GLB1: variants seen among roughly 807,000 people sequenced by gnomAD.
GLB1 encodes beta-galactosidase.
GLB1 carries 56 observed loss-of-function variants against 74.0 expected under a neutral mutation model. The ratio of observed to expected loss-of-function variants is 0.76; its 90% CI spans 0.61 to 0.94. The LOEUF (loss-of-function observed/expected upper bound fraction) is 0.94. GLB1 is among the 40% of genes least tolerant of loss of function. The pLI is 0.00. For synonymous variants in GLB1, 323 were observed against 323.6 expected (o/e 1.00, Z 0.02); for missense variants, 787 against 845.5 (o/e 0.93, Z 0.86).
the GLB1 span, among the ~76,000 whole-genome samples, chr3:32,985,839 G>T: frequency 6.6e-6 from 1 of 152,006 alleles, no homozygotes; most frequent in Non-Finnish European, 1.5e-5. Flanking sequence ...CCAAGTAGCT[G>T]GGCTGGGACT....
chr3:33,002,202 T>C (rs1696601294), intron 15 of GLB1, among the ~76,000 whole-genome samples: 1 of 152,226 alleles, frequency 6.6e-6, no homozygotes, highest in Non-Finnish European at 1.5e-5. Context: ...AAGGCAATAA[T>C]AATAGTTTCA....
intron 12 of GLB1, chr3:33,021,182 C>T (rs1324399144): frequency 3.6e-6 from 1 of 280,684 alleles, no homozygotes; most frequent in Non-Finnish European, 6.9e-6. Flanking sequence ...AAAACACAGT[C>T]CTTATGCCAT....
chr3:33,027,768 T>G (rs1041135018), intron 10 of GLB1, among the ~76,000 whole-genome samples: 1 of 151,722 alleles, frequency 6.6e-6, no homozygotes, highest in Non-Finnish European at 1.5e-5. Context: ...GGTGACAGAG[T>G]GAGATTCTAT....
chr3:33,066,881 G>C (rs1699704464), intron 4 of GLB1, among the ~76,000 whole-genome samples: 1 of 151,402 alleles, frequency 6.6e-6, no homozygotes, highest in African/African-American at 2.4e-5. Context: ...ACTGGAGTAA[G>C]ACAAAGAAAA....
At chr3:32,961,455 C>T in the GLB1 span, among the ~76,000 whole-genome samples, 2 of 152,138 alleles carry the variant, frequency 1.3e-5, no homozygotes, top group Admixed American at 6.5e-5. Context: ...ACACTTGGGT[C>T]AGAAGTTCTC....
intron 15 of GLB1, among the ~76,000 whole-genome samples, chr3:33,009,133 A>ATAAG (rs1696910615): frequency 1.3e-5 from 2 of 150,500 alleles, no homozygotes; most frequent in South Asian, 4.2e-4. Flanking sequence ...AAATAAATAA[A>ATAAG]TAAATAAATA....
chr3:33,027,513 C>G (rs1004326181), intron 10 of GLB1, among the ~76,000 whole-genome samples: 7 of 152,200 alleles, frequency 4.6e-5, no homozygotes, highest in African/African-American at 1.7e-4. Context: ...AAGTGACACC[C>G]GGCTCACGCC....
Position 33,072,688 on chromosome 3 carries a change from A to G in GLB1, c.101T>C (p.Ile34Thr). 1 of 1,614,164 alleles carries G rather than the reference A, an allele frequency of 6.2e-7. No individual in the cohort carries two copies. Among genetic ancestry groups the G allele is most frequent in the East Asian group, 2.2e-5 (1 of 44,884 alleles). The change falls in exon 2 of 16, where the codon ATT becomes ACT. Residue 34 changes from isoleucine to threonine, a missense_variant. Coordinates refer to ENST00000307363, the MANE Select transcript of GLB1 (RefSeq NM_000404.4). ...GAGGAAGGAGTCCCGGCTATAGTCA[A>G]TTTCAAACATCCTCTGGGTGGCATT... ...LRNATQRMFEIDYSRDSFLKD... is the reference protein window; with the variant it reads ...LRNATQRMFETDYSRDSFLKD...
chr3:33,014,823 T>A (rs1697175917), intron 14 of GLB1, among the ~76,000 whole-genome samples: 1 of 152,090 alleles, frequency 6.6e-6, no homozygotes, highest in Non-Finnish European at 1.5e-5. Context: ...AAAAGTTAGC[T>A]GGGTGTGGTG....
the GLB1 span, among the ~76,000 whole-genome samples, chr3:32,977,162 G>A: frequency 1.3e-5 from 2 of 152,024 alleles, no homozygotes; most frequent in Admixed American, 6.6e-5. Flanking sequence ...AGCCTTCCAG[G>A]TGTTCACAGA....
At chr3:33,030,827 A>G (rs1000995724) in intron 10 of GLB1, 1 of 985,368 alleles carries the variant, frequency 1.0e-6, no homozygotes, top group Non-Finnish European at 1.2e-6. Flanking sequence ...AAGAACAGAA[A>G]CAAAACTCTT....
chr3:33,073,256 C>T (rs192569938), intron 1 of GLB1, among the ~76,000 whole-genome samples: 54 of 152,192 alleles, frequency 3.5e-4, no homozygotes, highest in Non-Finnish European at 5.1e-4. Flanking sequence ...CTAACCCTAC[C>T]TCTCTTCATC....
At chr3:33,022,449 T>C (rs983900144) in intron 11 of GLB1, among the ~76,000 whole-genome samples, 4 of 152,136 alleles carry the variant, frequency 2.6e-5, no homozygotes, top group African/African-American at 7.2e-5. Flanking sequence ...CAGGTACTAC[T>C]GTCCCTGTGT....
At chr3:32,977,900 T>C in the GLB1 span, among the ~76,000 whole-genome samples, 2 of 152,188 alleles carry the variant, frequency 1.3e-5, no homozygotes. Context: ...ACAGAATTTT[T>C]TGCCAACATG....
chr3:32,966,217 C>T, the GLB1 span, among the ~76,000 whole-genome samples: 2 of 152,222 alleles, frequency 1.3e-5, no homozygotes, highest in African/African-American at 4.8e-5. Context: ...GCCCGTTAAA[C>T]CAGCTGGGAG....
At chr3:33,056,330 A>G (rs1156946490) in intron 6 of GLB1, among the ~76,000 whole-genome samples, 4 of 151,314 alleles carry the variant, frequency 2.6e-5, no homozygotes, top group African/African-American at 9.7e-5. Context: ...TGGCTGTGCA[A>G]TGCACATGAA....
At chr3:33,074,038 A>C (rs1699991661) in intron 1 of GLB1, among the ~76,000 whole-genome samples, 4 of 150,658 alleles carry the variant, frequency 2.7e-5, no homozygotes, top group African/African-American at 9.8e-5. Flanking sequence ...AAAAAAAAAA[A>C]AGGCAAGAAA....
At chr3:32,982,286 C>A in the GLB1 span, among the ~76,000 whole-genome samples, 28 of 145,060 alleles carry the variant, frequency 1.9e-4, no homozygotes, top group African/African-American at 7.2e-4. Context: ...GCACTCCAGC[C>A]TGGGCAACAA....
At chr3:33,038,504 C>T (rs1410273652) in intron 10 of GLB1, among the ~76,000 whole-genome samples, 1 of 152,048 alleles carries the variant, frequency 6.6e-6, no homozygotes, top group Non-Finnish European at 1.5e-5. Flanking sequence ...AGAAAGCTAC[C>T]AAAGCAGAAA....
Sources: gnomAD v4.1 joint callset for allele counts (sites outside exome capture counted in the v4.1 genomes callset) on GRCh38, gnomAD v4.1.1 for gene constraint, MANE v1.5 for transcripts, NCBI Gene and HGNC (gene_info 2026-07-23, HGNC 2026-07-21) for gene names.